BRINP3: variants seen among roughly 807,000 people sequenced by gnomAD.
The protein encoded by BRINP3 is BMP/retinoic acid-inducible neural-specific protein 3.
Under a neutral mutation model 71.0 loss-of-function variants are expected in BRINP3, and 19 were observed. The observed-to-expected ratio is 0.27, with a 90% CI of 0.19 to 0.39. The LOEUF (loss-of-function observed/expected upper bound fraction) is 0.39, where lower values mean the gene tolerates loss of function less well. BRINP3 is among the 10% of genes least tolerant of loss of function. The probability of loss-of-function intolerance (pLI) is 1.00; values close to 1 mark genes in which losing one functional copy is unlikely to be tolerated. For synonymous variants in BRINP3, 380 were observed against 337.7 expected, an observed-to-expected ratio of 1.13 and a Z score of -1.37; for missense variants, 959 against 940.8, an observed-to-expected ratio of 1.02 and a Z score of -0.25.
chr1:190,322,714 G>T (rs1666325492), intron 2 of BRINP3, among the ~76,000 whole-genome samples: 1 of 151,968 alleles, frequency 6.6e-6, no homozygotes, highest in Non-Finnish European at 1.5e-5. Context: ...TTGAATTAGG[G>T]AATTTACATG....
chr1:190,402,722 C>A (rs755441494), intron 2 of BRINP3, among the ~76,000 whole-genome samples: 19 of 152,082 alleles, frequency 1.2e-4, no homozygotes, highest in African/African-American at 4.6e-4. Flanking sequence ...ATTTGTTCTT[C>A]ATTTATTTAT....
intron 2 of BRINP3, among the ~76,000 whole-genome samples, chr1:190,297,263 T>C (rs772832669): frequency 1.3e-5 from 2 of 151,942 alleles, no homozygotes; most frequent in Admixed American, 1.3e-4. Flanking sequence ...TTTTTGACAA[T>C]GGTGTGAAGA....
At chr1:190,287,301 T>C (rs747198384) in intron 2 of BRINP3, among the ~76,000 whole-genome samples, 1 of 152,104 alleles carries the variant, frequency 6.6e-6, no homozygotes, top group South Asian at 2.1e-4. Flanking sequence ...ATTTGGCTGG[T>C]AAAAGGAAAA....
At chr1:190,441,085 C>G (rs984765532) in intron 2 of BRINP3, among the ~76,000 whole-genome samples, 52 of 151,848 alleles carry the variant, frequency 3.4e-4, no homozygotes, top group African/African-American at 1.0e-3. Flanking sequence ...CTGTAAAATA[C>G]TTGAATGTTA....
chr1:190,190,570 A>G (rs1279791715), intron 6 of BRINP3, among the ~76,000 whole-genome samples: 1 of 152,058 alleles, frequency 6.6e-6, no homozygotes, highest in African/African-American at 2.4e-5. Flanking sequence ...AAGTCTTGAT[A>G]ATACAAAAAA....
intron 2 of BRINP3, among the ~76,000 whole-genome samples, chr1:190,314,487 A>G (rs1360187033): frequency 6.6e-6 from 1 of 152,148 alleles, no homozygotes; most frequent in African/African-American, 2.4e-5. Context: ...GAAAGGAACA[A>G]AAGAGAGAAG....
At chr1:190,139,990 A>G (rs1237354876) in intron 7 of BRINP3, among the ~76,000 whole-genome samples, 1 of 152,244 alleles carries the variant, frequency 6.6e-6, no homozygotes, top group Admixed American at 6.5e-5. Context: ...ATTGAGAAAT[A>G]TTGAATTCCA....
At chr1:190,172,655 T>C (rs1203064282) in intron 6 of BRINP3, among the ~76,000 whole-genome samples, 1 of 152,050 alleles carries the variant, frequency 6.6e-6, no homozygotes, top group Non-Finnish European at 1.5e-5. Context: ...CCCCAAACCC[T>C]CCTCCTTGGG....
At chr1:190,211,637 C>G (rs1272393862) in intron 6 of BRINP3, among the ~76,000 whole-genome samples, 2 of 152,088 alleles carry the variant, frequency 1.3e-5, no homozygotes, top group African/African-American at 4.8e-5. Flanking sequence ...AAATGTCAAA[C>G]TCTTTTCTGA....
At position 190,098,044 on chromosome 1, in the gene BRINP3, A is replaced by G. The variant is rs753907285; in HGVS notation, c.2275T>C (p.Tyr759His). 1 of 1,612,628 alleles carries G rather than the reference A, an allele frequency of 6.2e-7. No homozygotes were observed. Among genetic ancestry groups the G allele is most frequent in the South Asian group, 1.1e-5 (1 of 90,886 alleles). The change falls in exon 8 of 8, where the codon TAT (tyrosine) becomes CAT (histidine). Residue 759 changes from tyrosine to histidine, a missense_variant. Physicochemically the swap from Tyr to His is moderately conservative, Grantham distance 83 (BLOSUM62 2). Coordinates refer to ENST00000367462, the MANE Select transcript of BRINP3 (RefSeq NM_199051.3). ...FNAKLPNTMD[Y>H]DTTKLCS ...TAACTACATAATTTGGTCGTGTCAT[A>G]ATCCATTGTGTTTGGCAATTTGGCA...
At chr1:190,332,887 G>T (rs1667058469) in intron 2 of BRINP3, among the ~76,000 whole-genome samples, 1 of 151,790 alleles carries the variant, frequency 6.6e-6, no homozygotes, top group Non-Finnish European at 1.5e-5. Context: ...ATGTTGAGTG[G>T]CCCTCCAGTG....
At chr1:190,119,933 G>A (rs77393897) in intron 7 of BRINP3, among the ~76,000 whole-genome samples, 184 of 152,298 alleles carry the variant, frequency 1.2e-3, no homozygotes, top group African/African-American at 3.5e-3. Flanking sequence ...ACAGATCCTC[G>A]AAGAGCAGCT....
chr1:190,171,336 A>T lies in BRINP3; in HGVS notation c.962-10446T>A, dbSNP rs542622891. 4.6e-5 allele frequency among the ~76,000 whole-genome samples: 7 copies of T among 152,184 alleles called. No homozygotes were observed. In the South Asian group the frequency reaches 1.4e-3, roughly 32 times the overall value. On this transcript the variant is annotated intron_variant, in intron 6 of 7. Coordinates refer to ENST00000367462, the MANE Select transcript of BRINP3 (RefSeq NM_199051.3). ...AATGGAGAGAGAATTGGTGGAAAAC[A>T]CTTCACACCCTTTAAAGAGCAAGTA... is the stretch of plus-strand genomic sequence containing the variant.
intron 7 of BRINP3, among the ~76,000 whole-genome samples, chr1:190,129,582 G>T (rs1452736505): frequency 6.6e-6 from 1 of 151,934 alleles, no homozygotes; most frequent in African/African-American, 2.4e-5. Flanking sequence ...AGAGCAGCAT[G>T]CTTAGTGTGA....
At chr1:190,475,551 C>G (rs1571415430) in intron 1 of BRINP3, among the ~76,000 whole-genome samples, 1 of 152,132 alleles carries the variant, frequency 6.6e-6, no homozygotes, top group East Asian at 1.9e-4. Flanking sequence ...GGGTTATTCC[C>G]ACATCAACAC....
At chr1:190,394,372 T>C in intron 2 of BRINP3, among the ~76,000 whole-genome samples, 1 of 151,552 alleles carries the variant, frequency 6.6e-6, no homozygotes, top group East Asian at 1.9e-4. Context: ...TTATTTCCAG[T>C]AATTCTGATT....
chr1:190,265,300 T>C (rs1661556750), intron 3 of BRINP3, among the ~76,000 whole-genome samples: 1 of 152,016 alleles, frequency 6.6e-6, no homozygotes, highest in Non-Finnish European at 1.5e-5. Flanking sequence ...CAGAACAGTT[T>C]CTCCAGATTT....
chr1:190,409,567 G>T (rs1672525737), intron 2 of BRINP3, among the ~76,000 whole-genome samples: 1 of 152,124 alleles, frequency 6.6e-6, no homozygotes, highest in African/African-American at 2.4e-5. Context: ...TTTACAAGCT[G>T]ATCATTCTTG....
chr1:190,136,218 ATTTTCT>A (rs1212673062), intron 7 of BRINP3, among the ~76,000 whole-genome samples: 2 of 151,980 alleles, frequency 1.3e-5, no homozygotes, highest in Non-Finnish European at 2.9e-5. Flanking sequence ...TTTTTTGAAA[ATTTTCT>A]TTATATTTTG....
Sources: allele counts gnomAD v4.1 joint callset (sites outside exome capture counted in the v4.1 genomes callset), GRCh38; gene constraint gnomAD v4.1.1; transcripts MANE v1.5; gene names NCBI Gene and HGNC (gene_info 2026-07-23, HGNC 2026-07-21).